Variants in KSR2 observed in about 807,000 individuals in gnomAD.
KSR2 encodes kinase suppressor of ras 2.
In KSR2, 25 loss-of-function variants were observed where a neutral mutation model predicts 107.8. That is an observed-to-expected ratio of 0.23 (90% CI 0.17 to 0.32). KSR2 has a LOEUF of 0.32. Ranked by LOEUF, KSR2 falls within the 10% of genes least tolerant of loss-of-function variation. The pLI is 1.00. For synonymous variants in KSR2, 480 were observed against 507.0 expected (o/e 0.95, Z 0.71); for missense variants, 887 against 1,268.9 (o/e 0.70, Z 4.57).
intron 3 of KSR2, among the ~76,000 whole-genome samples, chr12:117,763,391 A>G (rs1889116880): frequency 6.6e-6 from 1 of 152,226 alleles, no homozygotes; most frequent in Non-Finnish European, 1.5e-5. Flanking sequence ...CCATATTGAC[A>G]GTGCAAATAC....
At chr12:117,867,699 T>C (rs561618405) in intron 1 of KSR2, among the ~76,000 whole-genome samples, 37 of 152,324 alleles carry the variant, frequency 2.4e-4, no homozygotes, top group Non-Finnish European at 4.7e-4. Context: ...AAAACCATCC[T>C]AGCGCAGTTG....
At chr12:117,549,624 G>C (rs537410313) in intron 9 of KSR2, among the ~76,000 whole-genome samples, 1 of 152,160 alleles carries the variant, frequency 6.6e-6, no homozygotes, top group South Asian at 2.1e-4. Context: ...AAAAAAGAAA[G>C]GAAGAAATGG....
intron 14 of KSR2, among the ~76,000 whole-genome samples, chr12:117,494,137 C>G (rs759084142): frequency 6.6e-6 from 1 of 152,160 alleles, no homozygotes; most frequent in Non-Finnish European, 1.5e-5. Flanking sequence ...TTCCCATGGC[C>G]AGACCTTCCC....
intron 5 of KSR2, among the ~76,000 whole-genome samples, chr12:117,634,322 A>G (rs967143066): frequency 3.3e-5 from 5 of 152,310 alleles, no homozygotes; most frequent in African/African-American, 1.2e-4. Context: ...ATCTAATGGA[A>G]GGAGAAAGAC....
At position 117,897,437 on chromosome 12, in the gene KSR2, G is replaced by A. The variant is rs1379396386; in HGVS notation, c.181-37006C>T. On this transcript the variant is annotated intron_variant, in intron 1 of 19. Transcript: ENST00000339824. The surrounding 1 kb of genome is among the most constrained non-coding windows in gnomAD (Gnocchi z 4.5). ...CTCTCCATTATCAGTAGGCATGAAA[G>A]GTTGACTAGGAAACCACATCAGCTT... Among the ~76,000 whole-genome samples, 1 of 152,088 alleles carries A rather than the reference G, an allele frequency of 6.6e-6. No homozygotes were observed. Among genetic ancestry groups the A allele is most frequent in the African/African-American group, 2.4e-5 (1 of 41,412 alleles).
At chr12:117,498,465 C>A (rs529433597) in intron 14 of KSR2, among the ~76,000 whole-genome samples, 10 of 152,282 alleles carry the variant, frequency 6.6e-5, no homozygotes, top group African/African-American at 2.4e-4. Context: ...TCCACACTGG[C>A]CCAGGGGAGG....
At chr12:117,755,410 T>A (rs1176500508) in intron 4 of KSR2, among the ~76,000 whole-genome samples, 1 of 152,246 alleles carries the variant, frequency 6.6e-6, no homozygotes, top group Non-Finnish European at 1.5e-5. Context: ...GCAATATTTC[T>A]AACTTTTTCA....
intron 4 of KSR2, among the ~76,000 whole-genome samples, chr12:117,734,339 T>C (rs1414073119): frequency 1.3e-5 from 2 of 150,742 alleles, no homozygotes; most frequent in Admixed American, 1.3e-4. Flanking sequence ...ATTATTTCTC[T>C]GGAATGTACA....
At position 117,713,291 on chromosome 12, in the gene KSR2, TATC is replaced by T. The variant is rs1483141138; in HGVS notation, c.987-45636_987-45634del. Among the ~76,000 whole-genome samples the T allele has an allele frequency of 3.3e-5, 5 of 152,188 alleles. No homozygotes were observed. In the South Asian group the frequency reaches 8.3e-4, roughly 25 times the overall value. On this transcript the variant is annotated intron_variant, in intron 4 of 19. Transcript: ENST00000339824. ...GATAAACAGATATAGCTATATCAAT[TATC>T]ATTATCCATGTCTATAGATAATAGA...
At chr12:117,671,479 C>A (rs988789514) in intron 4 of KSR2, among the ~76,000 whole-genome samples, 3 of 152,196 alleles carry the variant, frequency 2.0e-5, no homozygotes, top group African/African-American at 7.2e-5. Flanking sequence ...ATTTTCCTAT[C>A]CTTGGCAACC....
chr12:117,822,311 C>T (rs762356507), intron 3 of KSR2, among the ~76,000 whole-genome samples: 9 of 152,146 alleles, frequency 5.9e-5, no homozygotes, highest in Non-Finnish European at 1.0e-4. Flanking sequence ...TACGGACTCG[C>T]CCTGAATTCT....
intron 5 of KSR2, among the ~76,000 whole-genome samples, chr12:117,645,041 T>C (rs2136417091): frequency 6.6e-6 from 1 of 152,312 alleles, no homozygotes. Context: ...GTTAGAGTGA[T>C]CAGTTCAGGA....
Position 117,903,186 on chromosome 12 carries a change from A to C in KSR2, c.181-42755T>G, listed in dbSNP as rs986595799. On this transcript the variant is annotated intron_variant, in intron 1 of 19. Coordinates refer to ENST00000339824, the MANE Select transcript of KSR2 (RefSeq NM_173598.6). ...AGGTTTGATAGAATTATGGTAAGAA[A>C]AACTATAATTCATAAACAAAGTACA... 9.8e-5 allele frequency among the ~76,000 whole-genome samples: 15 copies of C among 152,348 alleles called. No individual in the cohort carries two copies. In the East Asian group the frequency reaches 2.9e-3, roughly 29 times the overall value.
intron 10 of KSR2, among the ~76,000 whole-genome samples, chr12:117,535,699 A>T (rs962787843): frequency 6.6e-6 from 1 of 151,866 alleles, no homozygotes; most frequent in Admixed American, 6.6e-5. Context: ...TTGGCTCCAA[A>T]GAAAGAAGGT....
intron 3 of KSR2, among the ~76,000 whole-genome samples, chr12:117,839,826 G>A (rs2137154216): frequency 6.6e-6 from 1 of 152,312 alleles, no homozygotes; most frequent in Non-Finnish European, 1.5e-5. Context: ...AACCTGGGAG[G>A]TCAGAGCATC....
chr12:117,952,176 C>CAAAT (rs1286754880), intron 1 of KSR2, among the ~76,000 whole-genome samples: 1 of 151,406 alleles, frequency 6.6e-6, no homozygotes, highest in Non-Finnish European at 1.5e-5. Flanking sequence ...CACACACACA[C>CAAAT]ACACACACAT....
In KSR2 at chr12:117,463,378, C is replaced by T. The variant is rs547953583; in HGVS notation, c.*3821G>A. The T allele has an allele frequency of 6.6e-6, 1 of 152,188 alleles. No homozygotes were observed. The highest frequency in any genetic ancestry group is 1.5e-5 in the Non-Finnish European group (1 of 68,054). The allele number at this position is 152,188 out of a possible 1,614,324, so 9.4% of individuals were successfully genotyped here. A position where few individuals can be genotyped will look rare whatever the true frequency, so the allele number is the denominator to read the frequency against. On this transcript the variant is annotated 3_prime_UTR_variant, in exon 20 of 20. Transcript: ENST00000339824. ...AGGCTCCTGTTCCTCCCCTGACAGC[C>T]ATATCCAATCCTCTCTATCAAAGGC...
At chr12:117,782,007 C>T (rs1472374539) in intron 3 of KSR2, among the ~76,000 whole-genome samples, 1 of 152,200 alleles carries the variant, frequency 6.6e-6, no homozygotes, top group Admixed American at 6.5e-5. Flanking sequence ...TGCTTAACAT[C>T]GTTCCACCCC....
intron 14 of KSR2, among the ~76,000 whole-genome samples, chr12:117,504,608 T>C (rs1435762200): frequency 6.6e-6 from 1 of 152,178 alleles, no homozygotes; most frequent in Non-Finnish European, 1.5e-5. Flanking sequence ...CCCAGCTACC[T>C]GGATATCCAA....
Sources: gnomAD v4.1 joint callset for allele counts (sites outside exome capture counted in the v4.1 genomes callset) on GRCh38, gnomAD v4.1.1 for gene constraint, Gnocchi (gnomAD v3.1) non-coding constraint, MANE v1.5 for transcripts, NCBI Gene and HGNC (gene_info 2026-07-23, HGNC 2026-07-21) for gene names.